DENND2C: variants seen among roughly 807,000 people sequenced by gnomAD.
DENND2C encodes the protein DENN domain-containing protein 2C.
In DENND2C, 72 loss-of-function variants were observed where a neutral mutation model predicts 112.4. The observed-to-expected ratio is 0.64, with a 90% CI of 0.53 to 0.78. DENND2C has a LOEUF of 0.78. DENND2C is among the 30% of genes least tolerant of loss of function. The pLI, the probability that DENND2C is intolerant of heterozygous loss-of-function variation, is 0.00. For synonymous variants in DENND2C, 329 were observed against 381.6 expected (o/e 0.86, Z 1.61); for missense variants, 992 against 1,113.8 (o/e 0.89, Z 1.56).
chr1:114,608,904 T>A (rs774823506), intron 9 of DENND2C, 31 bp from the exon 10 acceptor site: 15 of 1,612,790 alleles, frequency 9.3e-6, no homozygotes, highest in Non-Finnish European at 1.3e-5. Flanking sequence ...AATGTTTTTT[T>A]CTCTGTAGCC....
intron 11 of DENND2C, among the ~76,000 whole-genome samples, chr1:114,602,576 A>G (rs1393104068): frequency 1.3e-5 from 2 of 151,918 alleles, no homozygotes; most frequent in Non-Finnish European, 1.5e-5. Flanking sequence ...TTTTATTTTT[A>G]TTTTTTAAGA....
chr1:114,635,887 T>A (rs2101676523), intron 3 of DENND2C, among the ~76,000 whole-genome samples: 1 of 151,980 alleles, frequency 6.6e-6, no homozygotes, highest in South Asian at 2.1e-4. Context: ...GCACCTATAA[T>A]CCCAGTTTCT....
intron 1 of DENND2C, among the ~76,000 whole-genome samples, chr1:114,660,125 T>C (rs1373491385): frequency 6.6e-6 from 1 of 152,182 alleles, no homozygotes; most frequent in Non-Finnish European, 1.5e-5. Flanking sequence ...TCTGGATTCA[T>C]AAAATCTGCT....
At chr1:114,613,085 GAC>G (rs983441789) in intron 8 of DENND2C, among the ~76,000 whole-genome samples, 35 of 152,246 alleles carry the variant, frequency 2.3e-4, no homozygotes, top group African/African-American at 7.5e-4. Flanking sequence ...TTTTTATGTA[GAC>G]ACACACACTT....
chr1:114,641,657 GATGCTAGGGTC>G (rs1288432695), intron 3 of DENND2C, among the ~76,000 whole-genome samples: 1 of 152,108 alleles, frequency 6.6e-6, no homozygotes, highest in African/African-American at 2.4e-5. Context: ...ACCAGAAGAA[GATGCTAGGGTC>G]ATGCTTCTTG....
rs538405590 is a variant in DENND2C at position 114,633,360 on chromosome 1, G to A, written c.-204-7172C>T. 4.1e-5 allele frequency among the ~76,000 whole-genome samples: 6 copies of A among 146,688 alleles called. No individual in the cohort carries two copies. In the East Asian group the frequency reaches 1.0e-3, roughly 24 times the overall value. ...CTCAAGAGGCTAAAGCATTAGAATC[G>A]CTTGAAGCAAGCGAGGTTGCAGTAA... On this transcript the variant is annotated intron_variant, in intron 3 of 20. Coordinates refer to ENST00000393274, the MANE Select transcript of DENND2C (RefSeq NM_001256404.2).
chr1:114,669,576 G>C (rs1308314322), intron 1 of DENND2C, among the ~76,000 whole-genome samples: 2 of 152,196 alleles, frequency 1.3e-5, no homozygotes, highest in Admixed American at 6.5e-5. Flanking sequence ...CATCGTCCCA[G>C]CATGTCGAAG....
chr1:114,611,835 A>G (rs1158113865), intron 8 of DENND2C, among the ~76,000 whole-genome samples: 4 of 151,924 alleles, frequency 2.6e-5, no homozygotes, highest in African/African-American at 9.7e-5. Flanking sequence ...TTTTAAAATA[A>G]AACATTTCTA....
intron 3 of DENND2C, among the ~76,000 whole-genome samples, chr1:114,640,698 T>G (rs1174649028): frequency 6.6e-6 from 1 of 152,228 alleles, no homozygotes; most frequent in Non-Finnish European, 1.5e-5. Flanking sequence ...ATCAACTTCA[T>G]GCACTGAAAC....
chr1:114,667,897 T>C (rs1657689085), intron 1 of DENND2C, among the ~76,000 whole-genome samples: 1 of 152,192 alleles, frequency 6.6e-6, no homozygotes, highest in Non-Finnish European at 1.5e-5. Flanking sequence ...CTCATGGTGC[T>C]GTTGTGAGGA....
rs199705155 is a variant in DENND2C at position 114,608,871 on chromosome 1, G to C, written c.1372C>G (p.Arg458Gly). 5.3e-4 allele frequency: 851 copies of C among 1,613,972 alleles called. 6 individuals carry two copies. The highest frequency in any genetic ancestry group is 1.5e-3 in the Middle Eastern group (9 of 6,062). ...ESDAEYLPKN[R>G]HKRLAQLQPS... ...TGCAGTTGTGCTAAGCGTTTATGGC[G>C]ATCTGTAATGAAATCATGGAGAAAT... is the stretch of plus-strand genomic sequence containing the variant. Residue 458 changes from arginine to glycine, a missense_variant and splice_region_variant, in exon 10 of 21, where the codon CGC becomes GGC. Coordinates refer to ENST00000393274, the MANE Select transcript of DENND2C (RefSeq NM_001256404.2).
At chr1:114,595,681 A>G in intron 17 of DENND2C, 151 bp downstream of exon 17, 2 of 667,172 alleles carry the variant, frequency 3.0e-6, no homozygotes, top group Non-Finnish European at 5.1e-6. Context: ...TCAATCTTGC[A>G]TGATTGGCCA....
intron 1 of DENND2C, among the ~76,000 whole-genome samples, chr1:114,659,450 G>A (rs992115765): frequency 2.0e-5 from 3 of 151,958 alleles, no homozygotes; most frequent in South Asian, 2.1e-4. Context: ...TGCAGTGAGC[G>A]GAGATCCCAC....
At chr1:114,655,897 T>TATATATATATATATAA (rs1657301733) in intron 1 of DENND2C, among the ~76,000 whole-genome samples, 3 of 148,114 alleles carry the variant, frequency 2.0e-5, no homozygotes, top group African/African-American at 7.4e-5. Flanking sequence ...TATATATATA[T>TATATATATATATATAA]ATAATATGTA....
At chr1:114,594,184 G>A (rs1172752235) in intron 18 of DENND2C, among the ~76,000 whole-genome samples, 1 of 152,140 alleles carries the variant, frequency 6.6e-6, no homozygotes, top group Non-Finnish European at 1.5e-5. Flanking sequence ...GTCAGGAAGG[G>A]CCTCAGTGAG....
chr1:114,604,659 CT>C (rs35947354), intron 11 of DENND2C, among the ~76,000 whole-genome samples: 122 of 145,656 alleles, frequency 8.4e-4, no homozygotes, highest in East Asian at 1.2e-3. Flanking sequence ...TAAAATAGAA[CT>C]TTTTTTTTTT....
chr1:114,600,465 A>C, intron 14 of DENND2C, 113 bp from the exon 15 acceptor site: 1 of 1,399,396 alleles, frequency 7.1e-7, no homozygotes, highest in Non-Finnish European at 9.8e-7. Flanking sequence ...GGTCTGCTAC[A>C]CGGGGTCTGT....
At chr1:114,609,020 C>A (rs1655739527) in intron 9 of DENND2C, 147 bp from the exon 10 acceptor site, 3 of 879,634 alleles carry the variant, frequency 3.4e-6, no homozygotes, top group Middle Eastern at 5.0e-4. Context: ...CATAGACATA[C>A]CTGTTAAGGC....
intron 18 of DENND2C, among the ~76,000 whole-genome samples, chr1:114,592,267 T>C (rs935186303): frequency 2.6e-5 from 4 of 152,194 alleles, no homozygotes; most frequent in Non-Finnish European, 5.9e-5. Flanking sequence ...TCCTTATGTA[T>C]ATGCACTCTG....
Sources: gnomAD v4.1 joint callset for allele counts (sites outside exome capture counted in the v4.1 genomes callset) on GRCh38, gnomAD v4.1.1 for gene constraint, MANE v1.5 for transcripts, NCBI Gene and HGNC (gene_info 2026-07-23, HGNC 2026-07-21) for gene names.